INHBA: variants seen among roughly 807,000 people sequenced by gnomAD.
The protein encoded by INHBA is inhibin subunit beta A.
Under a neutral mutation model 29.0 loss-of-function variants are expected in INHBA, and 1 was observed. The ratio of observed to expected loss-of-function variants is 0.03; its 90% confidence interval spans 0.01 to 0.16. The LOEUF (loss-of-function observed/expected upper bound fraction) is 0.16, where lower values mean the gene tolerates loss of function less well. Among genes scored for constraint, INHBA ranks in the 10% least tolerant of loss-of-function variants. The probability of loss-of-function intolerance (pLI) is 1.00; values close to 1 mark genes in which losing one functional copy is unlikely to be tolerated. For missense variants in INHBA, 376 were observed against 545.4 expected, an observed-to-expected ratio of 0.69 and a Z score of 3.09; for synonymous variants, 242 against 216.8, an observed-to-expected ratio of 1.12 and a Z score of -1.02.
chr7:41,701,816 C>T (rs1398912283), intron 1 of INHBA, among the ~76,000 whole-genome samples: 1 of 152,170 alleles, frequency 6.6e-6, no homozygotes, highest in Non-Finnish European at 1.5e-5. Flanking sequence ...TTTCAGCTTG[C>T]CCCAAGCCTG....
intron 2 of INHBA, among the ~76,000 whole-genome samples, chr7:41,699,393 C>A (rs1159630589): frequency 6.6e-6 from 1 of 152,118 alleles, no homozygotes; most frequent in East Asian, 1.9e-4. Context: ...GAATGTGGTG[C>A]CTGTGCACTT....
At chr7:41,698,459 C>CT (rs1299797101) in intron 2 of INHBA, among the ~76,000 whole-genome samples, 2 of 152,070 alleles carry the variant, frequency 1.3e-5, no homozygotes, top group Non-Finnish European at 2.9e-5. Flanking sequence ...TAAATATTTT[C>CT]TTTTTTACCT....
rs138596186 is a variant in INHBA at position 41,685,724 on chromosome 7, T to C, written c.*3926A>G. Reference sequence around the variant, plus strand: ...TATGCATAAAAAATAAATAATAATATAGCTGAGACATGTGGTTTGCTTCTG... The same window carrying C: ...TATGCATAAAAAATAAATAATAATACAGCTGAGACATGTGGTTTGCTTCTG... On this transcript the variant is annotated 3_prime_UTR_variant, in exon 3 of 3. Coordinates refer to ENST00000242208, the MANE Select transcript of INHBA (RefSeq NM_002192.4). 1.8e-4 allele frequency: 27 copies of C among 152,248 alleles called. No homozygotes were observed. The highest frequency in any genetic ancestry group is 1.4e-3 in the Admixed American group (22 of 15,286). The allele number at this position is 152,248 out of a possible 1,614,324, so 9.4% of individuals were successfully genotyped here.
In INHBA at chr7:41,690,137, T is replaced by C. The variant is rs1192544869; in HGVS notation, c.794A>G (p.Glu265Gly). The C allele has an allele frequency of 6.2e-7, 1 of 1,613,322 alleles. No individual in the cohort carries two copies. The highest frequency in any genetic ancestry group is 1.7e-5 in the Admixed American group (1 of 59,980). ...GCCCTTCTTTTTCCCTTCCCCCTCC[T>C]CTTCTTTCTTCTTCTTCTTGCCCAG... ...VLLGKKKKKE[E>G]EGEGKKKGGG... The change falls in exon 3 of 3, where the codon GAG becomes GGG. Residue 265 changes from glutamate to glycine, a missense_variant. Glu to Gly is a moderately conservative substitution (Grantham distance 98). Coordinates refer to ENST00000242208, the MANE Select transcript of INHBA (RefSeq NM_002192.4).
chr7:41,704,611 AGTGTGTGTGTGTGT>A (rs60031309), upstream of INHBA, among the ~76,000 whole-genome samples: 36,204 of 101,332 alleles, frequency 0.36, 6,088 homozygotes, highest in South Asian at 0.45. Context: ...CACACAAAGT[AGTGTGTGTGTGTGT>A]GTGTGTGTGT....
In INHBA at chr7:41,690,398, T is replaced by C. The variant is rs759930790; in HGVS notation, c.533A>G (p.Gln178Arg). Residue 178 changes from glutamine (Q) to arginine (R), a missense_variant, in exon 3 of 3, where the codon CAG becomes CGG. Coordinates refer to ENST00000242208, the MANE Select transcript of INHBA (RefSeq NM_002192.4). ...RTKVTIRLFQ[Q>R]QKHPQGSLDT... ...CAAGCTGCCCTGCGGGTGCTTCTGC[T>C]GCTGGAAGAGGCGGATGGTGACTTT... 5.6e-6 allele frequency: 9 copies of C among 1,614,098 alleles called. No individual in the cohort carries two copies. In the East Asian group the frequency reaches 6.7e-5, roughly 12 times the overall value.
Position 41,700,240 on chromosome 7 carries a change from C to T in INHBA, c.135G>A (p.Lys45=). The change falls in exon 2 of 3, where the codon AAG becomes AAA. Residue 45 remains lysine, a synonymous_variant. Coordinates refer to ENST00000242208, the MANE Select transcript of INHBA (RefSeq NM_002192.4). ...CPSCALAALP[K]DVPNSQPEMV... is the part of the protein sequence containing the mutation. ...TCTCTGGCTGAGAGTTGGGTACATCCTTTGGGAGGGCGGCCAGCGCACAGG... is the reference window on the plus strand; with the variant it reads ...TCTCTGGCTGAGAGTTGGGTACATCTTTTGGGAGGGCGGCCAGCGCACAGG... 6.2e-7 allele frequency: 1 copy of T among 1,612,192 alleles called. No homozygotes were observed. The highest frequency in any genetic ancestry group is 8.5e-7 in the Non-Finnish European group (1 of 1,178,632).
At chr7:41,697,765 A>G (rs1052376146) in intron 2 of INHBA, among the ~76,000 whole-genome samples, 2 of 152,220 alleles carry the variant, frequency 1.3e-5, no homozygotes, top group African/African-American at 2.4e-5. Context: ...ATGTTCATAT[A>G]TTTGCTACAA....
At position 41,700,705 on chromosome 7, in the gene INHBA, C is replaced by G. The variant is rs372972884; in HGVS notation, c.-143-188G>C. On this transcript the variant is annotated intron_variant, in intron 1 of 2. Transcript: ENST00000242208. Reference sequence around the variant, plus strand: ...AGAGACAGGGTGGCGGGGAGACAGACAGAGACAGAGAGAGAGGATGGGAGG... The same window carrying G: ...AGAGACAGGGTGGCGGGGAGACAGAGAGAGACAGAGAGAGAGGATGGGAGG... 46 of 236,892 alleles carry G rather than the reference C, an allele frequency of 1.9e-4. 1 individual carries two copies. The South Asian group carries it at 8.3e-3, about 43-fold the overall frequency. The allele number at this position is 236,892 out of a possible 1,614,324, so 14.7% of individuals were successfully genotyped here.
intron 2 of INHBA, among the ~76,000 whole-genome samples, chr7:41,698,263 A>G (rs1583597692): frequency 6.6e-6 from 1 of 152,270 alleles, no homozygotes; most frequent in Non-Finnish European, 1.5e-5. Flanking sequence ...AGAGGGGCAT[A>G]TTGCTAGTAA....
chr7:41,697,651 C>T (rs1186415008), intron 2 of INHBA, among the ~76,000 whole-genome samples: 3 of 152,214 alleles, frequency 2.0e-5, no homozygotes, highest in Admixed American at 1.3e-4. Flanking sequence ...AAGAAAAATG[C>T]ATTCCTTTTT....
Position 41,690,125 on chromosome 7 carries a change from C to A in INHBA, c.806G>T (p.Gly269Val), listed in dbSNP as rs779220866. The part of the protein sequence containing the change: ...KKKKKEEEGE[G>V]KKKGGGEGGA... The stretch of plus-strand genomic sequence containing the variant: ...ACCTTCACCTCCGCCCTTCTTTTTC[C>A]CTTCCCCCTCCTCTTCTTTCTTCTT... Residue 269 changes from glycine to valine, a missense_variant, in exon 3 of 3, where the codon GGG (glycine) becomes GTG (valine). Physicochemically the swap from Gly to Val is moderately radical, Grantham distance 109. This residue lies in a region of INHBA where 253 missense variants were observed against 313.4 expected (regional missense o/e 0.81). Coordinates refer to ENST00000242208, the MANE Select transcript of INHBA (RefSeq NM_002192.4). 4 of 1,613,128 alleles carry A rather than the reference C, an allele frequency of 2.5e-6. No homozygotes were observed. The African/African-American group carries it at 5.3e-5, about 22-fold the overall frequency.
chr7:41,689,968 G>A lies in INHBA; in HGVS notation c.963C>T (p.Cys321=). The A allele has an allele frequency of 6.2e-7, 1 of 1,614,042 alleles. No homozygotes were observed. Among genetic ancestry groups the A allele is most frequent in the Non-Finnish European group, 8.5e-7 (1 of 1,180,040 alleles). ...AACTGACAAAGAACTGTTTCTTACA[G>A]CAGATGTTGACCTTGCCATCACACT... is the stretch of plus-strand genomic sequence containing the variant. The part of the protein sequence containing the change: ...GLECDGKVNI[C]CKKQFFVSFK... Residue 321 remains cysteine, a synonymous_variant, in exon 3 of 3, where the codon TGC becomes TGT. Coordinates refer to ENST00000242208, the MANE Select transcript of INHBA (RefSeq NM_002192.4).
intron 2 of INHBA, among the ~76,000 whole-genome samples, chr7:41,698,572 T>G (rs1794701164): frequency 6.6e-6 from 1 of 152,150 alleles, no homozygotes; most frequent in Non-Finnish European, 1.5e-5. Flanking sequence ...GTCCTAATGA[T>G]CATGCCTTTT....
rs1794432781 is a variant in INHBA at position 41,688,543 on chromosome 7, AATT to A, written c.*1104_*1106del. The A allele has an allele frequency of 6.6e-6, 1 of 151,334 alleles. No homozygotes were observed. The highest frequency in any genetic ancestry group is 1.5e-5 in the Non-Finnish European group (1 of 67,848). 9.4% of individuals were successfully genotyped at this position (151,334 alleles called of 1,614,324 possible). ...TTTTAAGGTACAAAATAATAATAAT[AATT>A]ATAATTATAATAATAAAAATAGCTA... On this transcript the variant is annotated 3_prime_UTR_variant, in exon 3 of 3. Coordinates refer to ENST00000242208, the MANE Select transcript of INHBA (RefSeq NM_002192.4).
At position 41,690,609 on chromosome 7, in the gene INHBA, G is replaced by T; in HGVS notation, c.389-67C>A. 2.1e-6 allele frequency: 3 copies of T among 1,457,916 alleles called. No homozygotes were observed. The South Asian group carries it at 4.3e-5, about 21-fold the overall frequency. 90.3% of individuals were successfully genotyped at this position (1,457,916 alleles called of 1,614,324 possible). ...TTAATTCCAACATTTACATGCACTC[G>T]TAAATTTCAGGCAAGCAGGAGTCTT... On this transcript the variant is annotated intron_variant, in intron 2 of 2. Transcript: ENST00000242208.
intron 2 of INHBA, among the ~76,000 whole-genome samples, chr7:41,695,654 G>T (rs1306214563): frequency 6.6e-6 from 1 of 152,178 alleles, no homozygotes; most frequent in Non-Finnish European, 1.5e-5. Flanking sequence ...CATCATCCAT[G>T]CCTCTTCCAT....
chr7:41,694,214 G>A (rs142421179), intron 2 of INHBA: 1 of 152,188 alleles, frequency 6.6e-6, no homozygotes, highest in African/African-American at 2.4e-5. Context: ...TGGGATTGAT[G>A]TTTATCAGGG....
Position 41,689,102 on chromosome 7 carries a change from C to CTGTGTGTGTGTGTGTGTGTG in INHBA, c.*528_*547dup, listed in dbSNP as rs56919042. On this transcript the variant is annotated 3_prime_UTR_variant, in exon 3 of 3. Transcript: ENST00000242208. ...GTATATATGTAATGTGTGGAAATGCCTGTGTGTGTGTGTGTGTGTGTGTGT... is the reference window on the plus strand; with the variant it reads ...GTATATATGTAATGTGTGGAAATGCCTGTGTGTGTGTGTGTGTGTGTGTGTGTGTGTGTGTGTGTGTGTGT... The CTGTGTGTGTGTGTGTGTGTG allele has an allele frequency of 9.5e-6, 2 of 210,108 alleles. No individual in the cohort carries two copies. The highest frequency in any genetic ancestry group is 2.4e-5 in the African/African-American group (1 of 42,518). 13.0% of individuals were successfully genotyped at this position (210,108 alleles called of 1,614,324 possible).
Sources: allele counts gnomAD v4.1 joint callset (sites outside exome capture counted in the v4.1 genomes callset), GRCh38; gene constraint gnomAD v4.1.1; regional missense constraint gnomAD v4.1.1; transcripts MANE v1.5; gene names NCBI Gene and HGNC (gene_info 2026-07-23, HGNC 2026-07-21).